SLIT2: variants seen among roughly 807,000 people sequenced by gnomAD.
The protein encoded by SLIT2 is slit guidance ligand 2, also known as slit homolog 2 protein.
SLIT2 carries 41 observed loss-of-function variants against 185.7 expected under a neutral mutation model. The ratio of observed to expected loss-of-function variants is 0.22; its 90% CI spans 0.17 to 0.29. SLIT2 has a LOEUF of 0.29. Ranked by LOEUF, SLIT2 falls within the 10% of genes least tolerant of loss-of-function variation. The pLI is 1.00. For missense variants in SLIT2, 1,571 were observed against 1,909.0 expected, an observed-to-expected ratio of 0.82 and a Z score of 3.30; for synonymous variants, 693 against 680.2, an observed-to-expected ratio of 1.02 and a Z score of -0.29.
At chr4:20,472,230 ATATAGATC>A (rs1168339933) in intron 5 of SLIT2, among the ~76,000 whole-genome samples, 1 of 104,244 alleles carries the variant, frequency 9.6e-6, no homozygotes, top group Non-Finnish European at 1.9e-5. Context: ...GTGTATATAT[ATATAGATC>A]TATATATCTA....
chr4:20,521,836 T>G (rs1720869218), intron 12 of SLIT2, among the ~76,000 whole-genome samples: 1 of 152,116 alleles, frequency 6.6e-6, no homozygotes, highest in Admixed American at 6.6e-5. Flanking sequence ...AAATAACCCA[T>G]GTTAACATAG....
intron 4 of SLIT2, among the ~76,000 whole-genome samples, chr4:20,284,495 A>G (rs569903460): frequency 7.2e-5 from 11 of 152,330 alleles, no homozygotes; most frequent in Non-Finnish European, 7.4e-5. Context: ...TAGGGAGAAC[A>G]AAGGAACCAT....
chr4:20,539,425 C>A lies in SLIT2; in HGVS notation c.1833-16C>A. 1.2e-6 allele frequency: 2 copies of A among 1,603,918 alleles called. 1 individual carries two copies. The highest frequency in any genetic ancestry group is 2.2e-5 in the South Asian group (2 of 89,044). The stretch of plus-strand genomic sequence containing the variant: ...GATGCTTTGTCTCCATAACAATGTC[C>A]TTTTTTTCCCCTCAGGATGTTGAGA... On this transcript the variant is annotated splice_polypyrimidine_tract_variant and intron_variant, in intron 18 of 36. Transcript: ENST00000504154.
Position 20,548,985 on chromosome 4 carries a change from G to T in SLIT2, c.2418-72G>T, listed in dbSNP as rs1723495677. The T allele has an allele frequency of 6.0e-6, 5 of 831,472 alleles. No individual in the cohort carries two copies. The South Asian group carries it at 6.9e-5, about 11-fold the overall frequency. The allele number at this position is 831,472 out of a possible 1,614,324, so 51.5% of individuals were successfully genotyped here. On this transcript the variant is annotated intron_variant, in intron 23 of 36. Coordinates refer to ENST00000504154, the MANE Select transcript of SLIT2 (RefSeq NM_004787.4). ...TAAGATGCTTTAATAAGCCTTAACTGCTTTATTTTTGGAAGTATTTGGCCA... is the reference window on the plus strand; with the variant it reads ...TAAGATGCTTTAATAAGCCTTAACTTCTTTATTTTTGGAAGTATTTGGCCA...
chr4:20,350,797 G>C (rs1365313463), intron 4 of SLIT2, among the ~76,000 whole-genome samples: 1 of 152,066 alleles, frequency 6.6e-6, no homozygotes, highest in African/African-American at 2.4e-5. Context: ...TTTGAGACCA[G>C]CTTGGGCAAG....
intron 5 of SLIT2, among the ~76,000 whole-genome samples, chr4:20,468,850 C>CT (rs34126935): frequency 0.25 from 36,130 of 143,576 alleles, 4,746 homozygotes; most frequent in Admixed American, 0.36. Flanking sequence ...GATCCAATGC[C>CT]TTTTTTTTTT....
Position 20,563,746 on chromosome 4 carries a change from C to T in SLIT2, c.2726-3516C>T, listed in dbSNP as rs1170764563. Among the ~76,000 whole-genome samples the T allele has an allele frequency of 2.0e-5, 3 of 151,794 alleles. No individual in the cohort carries two copies. The East Asian group carries it at 5.8e-4, about 29-fold the overall frequency. On this transcript the variant is annotated intron_variant, in intron 26 of 36. Coordinates refer to ENST00000504154, the MANE Select transcript of SLIT2 (RefSeq NM_004787.4). ...AAACAAGAAAATGACTGCTTTTCTC[C>T]TTTTAAATAAAACACTTTTTGTTCC...
chr4:20,296,905 GA>G (rs1215625439), intron 4 of SLIT2, among the ~76,000 whole-genome samples: 1 of 152,212 alleles, frequency 6.6e-6, no homozygotes, highest in Non-Finnish European at 1.5e-5. Flanking sequence ...GTGCCAGTGT[GA>G]AATTGCCCTT....
At chr4:20,490,803 A>T (rs1379828529) in intron 8 of SLIT2, 2 of 1,519,270 alleles carry the variant, frequency 1.3e-6, no homozygotes, top group Non-Finnish European at 1.8e-6. Flanking sequence ...TGTTTTCTAG[A>T]TGAGGAAGAA....
rs558051178 is a variant in SLIT2 at position 20,278,238 on chromosome 4, G to T, written c.395+9357G>T. Among the ~76,000 whole-genome samples the T allele has an allele frequency of 1.4e-3, 212 of 147,840 alleles. 1 individual carries two copies. Among genetic ancestry groups the T allele is most frequent in the African/African-American group, 3.3e-3 (133 of 40,114 alleles). ...GAAATGCTTATCTGTTTTTTTTTTT[G>T]TTGTTGTTGTTTAAATTCAAATGCC... On this transcript the variant is annotated intron_variant, in intron 4 of 36. Coordinates refer to ENST00000504154, the MANE Select transcript of SLIT2 (RefSeq NM_004787.4).
intron 4 of SLIT2, among the ~76,000 whole-genome samples, chr4:20,361,667 AT>A (rs1722753933): frequency 6.6e-6 from 1 of 152,168 alleles, no homozygotes; most frequent in African/African-American, 2.4e-5. Context: ...GTTATAATGT[AT>A]AACATTAAAA....
chr4:20,524,672 T>C lies in SLIT2; in HGVS notation c.1439-477T>C, dbSNP rs113832212. ...CTGAATGCACTTTCTCAGTTTGCAT[T>C]CTCTTATTTTGCATACAACCGTGAG... On this transcript the variant is annotated intron_variant, in intron 14 of 36. Coordinates refer to ENST00000504154, the MANE Select transcript of SLIT2 (RefSeq NM_004787.4). 4.8e-3 allele frequency among the ~76,000 whole-genome samples: 737 copies of C among 152,306 alleles called. 7 individuals are homozygous for C. The highest frequency in any genetic ancestry group is 0.017 in the African/African-American group (712 of 41,566).
In SLIT2 at chr4:20,283,118, G is replaced by GCACA. The variant is rs879537142; in HGVS notation, c.395+14238_395+14239insACAC. Among the ~76,000 whole-genome samples, 39 of 113,276 alleles carry GCACA rather than the reference G, an allele frequency of 3.4e-4. No homozygotes were observed. The East Asian group carries it at 0.014, about 40-fold the overall frequency. 74.3% of individuals were successfully genotyped at this position (113,276 alleles called of 152,430 possible). A position where few individuals can be genotyped will look rare whatever the true frequency, so the allele number is the denominator to read the frequency against. The stretch of plus-strand genomic sequence containing the variant: ...GTTGCCTGTGTGCCTGTGTGCGCGC[G>GCACA]CGCACACACACACACACACACACAC... On this transcript the variant is annotated intron_variant, in intron 4 of 36. Transcript: ENST00000504154.
intron 4 of SLIT2, among the ~76,000 whole-genome samples, chr4:20,300,771 A>G (rs1370203877): frequency 6.6e-6 from 1 of 152,148 alleles, no homozygotes; most frequent in East Asian, 1.9e-4. Flanking sequence ...TGTTGCTAAA[A>G]TCAAGCACTA....
intron 4 of SLIT2, among the ~76,000 whole-genome samples, chr4:20,350,387 A>G (rs1286382290): frequency 1.3e-5 from 2 of 152,034 alleles, no homozygotes; most frequent in Non-Finnish European, 2.9e-5. Flanking sequence ...AGCATGAGCA[A>G]ATTCTATTTT....
chr4:20,287,313 T>G (rs1240664732), intron 4 of SLIT2, among the ~76,000 whole-genome samples: 2 of 152,126 alleles, frequency 1.3e-5, no homozygotes, highest in Non-Finnish European at 2.9e-5. Flanking sequence ...GTGACCCCAT[T>G]TATGAAATCA....
intron 5 of SLIT2, among the ~76,000 whole-genome samples, chr4:20,475,995 T>C (rs1716066667): frequency 6.6e-6 from 1 of 152,204 alleles, no homozygotes; most frequent in Non-Finnish European, 1.5e-5. Flanking sequence ...TAAATTACTT[T>C]GGGGTCCTCA....
chr4:20,573,862 T>C (rs1725837474), intron 29 of SLIT2, among the ~76,000 whole-genome samples: 1 of 152,084 alleles, frequency 6.6e-6, no homozygotes, highest in African/African-American at 2.4e-5. Flanking sequence ...AAATGCCATA[T>C]TTAATTATTG....
At chr4:20,318,843 C>G (rs958463963) in intron 4 of SLIT2, among the ~76,000 whole-genome samples, 1 of 152,160 alleles carries the variant, frequency 6.6e-6, no homozygotes, top group African/African-American at 2.4e-5. Flanking sequence ...GAACACATTT[C>G]CACTTAGTGT....
Sources: gnomAD v4.1 joint callset for allele counts (sites outside exome capture counted in the v4.1 genomes callset) on GRCh38, gnomAD v4.1.1 for gene constraint, MANE v1.5 for transcripts, NCBI Gene and HGNC (gene_info 2026-07-23, HGNC 2026-07-21) for gene names.